Variants in LIMK1 observed in about 807,000 individuals in gnomAD.
LIMK1 encodes the protein LIM domain kinase 1.
LIMK1 carries 21 observed loss-of-function variants against 77.6 expected under a neutral mutation model. The ratio of observed to expected loss-of-function variants is 0.27; its 90% confidence interval spans 0.19 to 0.39. LIMK1 has a LOEUF of 0.39. LIMK1 is among the 10% of genes least tolerant of loss of function. The pLI, the probability that LIMK1 is intolerant of heterozygous loss-of-function variation, is 1.00. For synonymous variants in LIMK1, 358 were observed against 370.0 expected (o/e 0.97, Z 0.37); for missense variants, 696 against 901.6 (o/e 0.77, Z 2.92).
chr7:74,107,073 C>T lies in LIMK1; in HGVS notation c.945C>T (p.Arg315=), dbSNP rs782101292. 2 of 1,608,882 alleles carry T rather than the reference C, an allele frequency of 1.2e-6. No homozygotes were observed. The highest frequency in any genetic ancestry group is 1.8e-4 in the Middle Eastern group (1 of 5,630). The change falls in exon 8 of 16, where the codon CGC becomes CGT. Residue 315 remains arginine, a synonymous_variant. Coordinates refer to ENST00000336180, the MANE Select transcript of LIMK1 (RefSeq NM_002314.4). ...AGSLGSPASQ[R]KDLGRSESLR... ...CACTGGGCTCCCCGGCCTCCCAGCG[C>T]AAGGACCTGGGTCGCTCTGAGTCCC...
intron 4 of LIMK1, 150 bp downstream of exon 4, chr7:74,097,339 G>T: frequency 1.9e-6 from 1 of 535,600 alleles, no homozygotes. Flanking sequence ...TCCCATCCCG[G>T]CATGGAAACA....
intron 2 of LIMK1, chr7:74,093,135 G>A: frequency 1.4e-6 from 2 of 1,465,198 alleles, no homozygotes; most frequent in Non-Finnish European, 1.8e-6. Flanking sequence ...AGCCACGCTG[G>A]CCCCACCCTC....
chr7:74,088,663 A>G (rs1238527720), intron 2 of LIMK1, among the ~76,000 whole-genome samples: 2 of 152,008 alleles, frequency 1.3e-5, no homozygotes, highest in Admixed American at 6.6e-5. Context: ...TTAGCCAGGC[A>G]TGGTGGCACA....
intron 5 of LIMK1, among the ~76,000 whole-genome samples, chr7:74,104,115 A>G (rs541688313): frequency 5.1e-4 from 78 of 151,742 alleles, no homozygotes; most frequent in Admixed American, 1.6e-3. Context: ...AAAATGTCAT[A>G]GAGATGGGGT....
rs1485374469 is a variant in LIMK1 at position 74,106,127 on chromosome 7, G to A, written c.765G>A (p.Glu255=). ...GCCGCCTGCTCCAGCTGACCCTCGA[G>A]CATGACCCTCACGATACACTGGGCC... is the stretch of plus-strand genomic sequence containing the variant. ...ETSRLLQLTL[E]HDPHDTLGHG... is the part of the protein sequence containing the mutation. The change falls in exon 7 of 16, where the codon GAG becomes GAA. Residue 255 remains glutamate, a synonymous_variant. Coordinates refer to ENST00000336180, the MANE Select transcript of LIMK1 (RefSeq NM_002314.4). The A allele has an allele frequency of 6.2e-7, 1 of 1,614,072 alleles. No individual in the cohort carries two copies. Among genetic ancestry groups the A allele is most frequent in the South Asian group, 1.1e-5 (1 of 91,086 alleles).
chr7:74,122,340 C>T lies in LIMK1; in HGVS notation c.*1039C>T, dbSNP rs1554700850. ...ATTTTGTCACTTTGCCTCAGTTGAG[C>T]ATCTAGGAAGTATTAAAACTGTGAA... On this transcript the variant is annotated 3_prime_UTR_variant, in exon 16 of 16. Coordinates refer to ENST00000336180, the MANE Select transcript of LIMK1 (RefSeq NM_002314.4). 1 of 152,350 alleles carries T rather than the reference C, an allele frequency of 6.6e-6. No individual in the cohort carries two copies. Among genetic ancestry groups the T allele is most frequent in the African/African-American group, 2.4e-5 (1 of 41,352 alleles). 9.4% of individuals were successfully genotyped at this position (152,350 alleles called of 1,614,324 possible).
chr7:74,105,590 G>A (rs1347317117), intron 5 of LIMK1, among the ~76,000 whole-genome samples: 1 of 151,994 alleles, frequency 6.6e-6, no homozygotes, highest in Non-Finnish European at 1.5e-5. Context: ...CCAGGGTGGA[G>A]ACAATGGTCC....
intron 13 of LIMK1, among the ~76,000 whole-genome samples, chr7:74,116,889 T>A (rs1163501932): frequency 1.3e-5 from 2 of 151,550 alleles, no homozygotes; most frequent in African/African-American, 2.4e-5. Flanking sequence ...TTTTATTTTT[T>A]ATTTTTTTTT....
At chr7:74,090,130 T>C (rs1285929929) in intron 2 of LIMK1, among the ~76,000 whole-genome samples, 1 of 152,034 alleles carries the variant, frequency 6.6e-6, no homozygotes, top group Non-Finnish European at 1.5e-5. Context: ...ATCCCAGCAC[T>C]TTGGGAGGCC....
chr7:74,113,682 AT>A (rs1166820951), intron 12 of LIMK1, among the ~76,000 whole-genome samples: 2 of 151,790 alleles, frequency 1.3e-5, no homozygotes, highest in Admixed American at 1.3e-4. Flanking sequence ...CAAACTGACC[AT>A]TATACAGACC....
At chr7:74,109,281 G>A (rs1417541868) in intron 10 of LIMK1, 2 of 461,022 alleles carry the variant, frequency 4.3e-6, no homozygotes, top group Non-Finnish European at 8.2e-6. Context: ...GATCACTCGA[G>A]GCCAGGAATT....
chr7:74,093,341 C>T (rs1554695077), intron 2 of LIMK1: 2 of 1,535,202 alleles, frequency 1.3e-6, no homozygotes, highest in Non-Finnish European at 1.7e-6. Flanking sequence ...GGGCTCCAGG[C>T]AGGGCCCCTG....
chr7:74,105,685 A>G (rs1554697270), intron 5 of LIMK1, among the ~76,000 whole-genome samples, 190 bp from the exon 6 acceptor site: 1 of 152,130 alleles, frequency 6.6e-6, no homozygotes, highest in Non-Finnish European at 1.5e-5. Context: ...CCTGTGGCAG[A>G]CATCAGTAAT....
At position 74,097,184 on chromosome 7, in the gene LIMK1, G is replaced by T; in HGVS notation, c.396G>T (p.Leu132=). 1 of 1,602,620 alleles carries T rather than the reference G, an allele frequency of 6.2e-7. No homozygotes were observed. Among genetic ancestry groups the T allele is most frequent in the South Asian group, 1.1e-5 (1 of 89,884 alleles). ...DTYTLVEHSK[L]YCGHCYYQTV... The stretch of plus-strand genomic sequence containing the variant: ...ACACGCTGGTGGAGCACTCCAAGCT[G>T]TACTGGTGAGTGCCTTGGCCCCTCC... The change falls in exon 4 of 16, where the codon CTG becomes CTT. Residue 132 remains leucine (L), a synonymous_variant. Transcript: ENST00000336180.
intron 12 of LIMK1, 102 bp from the exon 13 acceptor site, chr7:74,115,700 T>C: frequency 2.3e-6 from 3 of 1,312,192 alleles, no homozygotes; most frequent in Non-Finnish European, 3.2e-6. Flanking sequence ...AGAGGTATGT[T>C]CTCTGGGCTG....
intron 2 of LIMK1, among the ~76,000 whole-genome samples, chr7:74,087,926 T>A (rs971243325): frequency 2.0e-5 from 3 of 152,002 alleles, no homozygotes; most frequent in African/African-American, 7.2e-5. Flanking sequence ...TCTTTTTTTT[T>A]ACACAGGGTC....
chr7:74,120,318 T>C (rs1799904641), intron 13 of LIMK1, among the ~76,000 whole-genome samples: 1 of 152,232 alleles, frequency 6.6e-6, no homozygotes, highest in East Asian at 1.9e-4. Flanking sequence ...TCATGACTTG[T>C]GCAAAGTCAC....
chr7:74,084,838 C>G (rs1554693838), intron 1 of LIMK1, among the ~76,000 whole-genome samples: 1 of 152,198 alleles, frequency 6.6e-6, no homozygotes, highest in Non-Finnish European at 1.5e-5. Flanking sequence ...TTAGATCCAC[C>G]TGGCCCCAAG....
chr7:74,096,765 G>T lies in LIMK1; in HGVS notation c.291+5G>T, dbSNP rs1554695688. 6.3e-7 allele frequency: 1 copy of T among 1,590,082 alleles called. No individual in the cohort carries two copies. The highest frequency in any genetic ancestry group is 8.6e-7 in the Non-Finnish European group (1 of 1,165,228). ...ATCACCAAGGGACTGGTTATGGTGAGCGCCCCCTGCCTTGCACACTCACCT... is the reference window on the plus strand; with the variant it reads ...ATCACCAAGGGACTGGTTATGGTGATCGCCCCCTGCCTTGCACACTCACCT... On this transcript the variant is annotated splice_donor_5th_base_variant and intron_variant, in intron 3 of 15. Coordinates refer to ENST00000336180, the MANE Select transcript of LIMK1 (RefSeq NM_002314.4).
Sources: allele counts gnomAD v4.1 joint callset (sites outside exome capture counted in the v4.1 genomes callset), GRCh38; gene constraint gnomAD v4.1.1; transcripts MANE v1.5; gene names NCBI Gene and HGNC (gene_info 2026-07-23, HGNC 2026-07-21).